GLB1L: variants seen among roughly 807,000 people sequenced by gnomAD.
GLB1L encodes the protein galactosidase beta 1 like.
In GLB1L, 58 loss-of-function variants were observed where a neutral mutation model predicts 75.7. The ratio of observed to expected loss-of-function variants is 0.77; its 90% CI spans 0.62 to 0.95. The LOEUF (loss-of-function observed/expected upper bound fraction) is 0.95, where lower values mean the gene tolerates loss of function less well. Among genes scored for constraint, GLB1L ranks in the 40% least tolerant of loss-of-function variants. GLB1L has a pLI of 0.00. For missense variants in GLB1L, 797 were observed against 805.5 expected, an observed-to-expected ratio of 0.99 and a Z score of 0.13; for synonymous variants, 296 against 303.0, an observed-to-expected ratio of 0.98 and a Z score of 0.24.
At position 219,237,173 on chromosome 2, in the gene GLB1L, G is replaced by C. The variant is rs1406460915; in HGVS notation, c.1864C>G (p.Pro622Ala). The C allele has an allele frequency of 1.9e-5, 30 of 1,613,980 alleles. No homozygotes were observed. The highest frequency in any genetic ancestry group is 2.4e-5 in the Non-Finnish European group (28 of 1,179,960). ...LQPQVQFLDK[P>A]ILNSTSTLHR... ...AAAGTACTAGTGCTATTGAGGATAG[G>C]CTTATCCAAAAATTGGACTTGGGGC... The change falls in exon 17 of 17, where the codon CCT (proline) becomes GCT (alanine). Residue 622 changes from proline (P) to alanine (A), a missense_variant. Coordinates refer to ENST00000295759, the MANE Select transcript of GLB1L (RefSeq NM_001286423.2).
At position 219,236,760 on chromosome 2, in the gene GLB1L, CTTTTTTTT is replaced by C. The variant is rs5838728; in HGVS notation, c.*304_*311del. On this transcript the variant is annotated 3_prime_UTR_variant, in exon 17 of 17. Transcript: ENST00000295759. ...CTCCATGTCCCAGGTCCAAGGGTTA[CTTTTTTTT>C]TTTTTTTTTTTTTTGAGATGGAGTG... 7 of 125,786 alleles carry C rather than the reference CTTTTTTTT, an allele frequency of 5.6e-5. No individual in the cohort carries two copies. Among genetic ancestry groups the C allele is most frequent in the South Asian group, 3.6e-4 (2 of 5,572 alleles). 7.8% of individuals were successfully genotyped at this position (125,786 alleles called of 1,614,324 possible).
At position 219,240,270 on chromosome 2, in the gene GLB1L, A is replaced by G. The variant is rs750053974; in HGVS notation, c.467T>C (p.Val156Ala). 5 of 1,614,134 alleles carry G rather than the reference A, an allele frequency of 3.1e-6. No individual in the cohort carries two copies. The highest frequency in any genetic ancestry group is 4.2e-6 in the Non-Finnish European group (5 of 1,179,956). Residue 156 changes from valine to alanine, a missense_variant, in exon 6 of 17, where the codon GTG becomes GCG. Transcript: ENST00000295759. ...RTSDPDFLAA[V>A]DSWFKVLLPK... ...CAGCAAGACCTTGAACCAGGAGTCC[A>G]CTGCGGCAAGGAAGTCTAAAGGAAG...
At chr2:219,238,438 T>C in intron 13 of GLB1L, 57 bp downstream of exon 13, 1 of 1,567,002 alleles carries the variant, frequency 6.4e-7, no homozygotes, top group Non-Finnish European at 8.8e-7. Flanking sequence ...AAGGAACTTT[T>C]GCGTATAGCT....
At position 219,242,881 on chromosome 2, in the gene GLB1L, C is replaced by A. The variant is rs750666892; in HGVS notation, c.277G>T (p.Val93Phe). The A allele has an allele frequency of 4.3e-6, 7 of 1,614,236 alleles. No individual in the cohort carries two copies. In the South Asian group the frequency reaches 6.6e-5, roughly 15 times the overall value. ...PWNYHEPQPG[V>F]YNFNGSRDLI... ...TCCCGGCTGCCATTAAAGTTATAGA[C>A]CCCAGGCTGTGGCTCGTGGTAGTTC... Residue 93 changes from valine (V) to phenylalanine (F), a missense_variant, in exon 4 of 17, where the codon GTC (valine) becomes TTC (phenylalanine). Physicochemically the swap from Val to Phe is conservative, Grantham distance 50. Transcript: ENST00000295759.
At position 219,237,209 on chromosome 2, in the gene GLB1L, C is replaced by T; in HGVS notation, c.1828G>A (p.Val610Ile). ...AATTGGACTTGGGGCTGGAGAGGTA[C>T]ATCTTCTAGTTCCAGCAATGTAATT... ...NKITLLELEDVPLQPQVQFLD... is the reference protein window; with the variant it reads ...NKITLLELEDIPLQPQVQFLD... Residue 610 changes from valine (V) to isoleucine (I), a missense_variant, in exon 17 of 17, where the codon GTA (valine) becomes ATA (isoleucine). Physicochemically the swap from Val to Ile is conservative, Grantham distance 29 (BLOSUM62 3). Transcript: ENST00000295759. 2 of 1,614,154 alleles carry T rather than the reference C, an allele frequency of 1.2e-6. No individual in the cohort carries two copies. The highest frequency in any genetic ancestry group is 1.7e-6 in the Non-Finnish European group (2 of 1,180,010).
chr2:219,237,777 A>G (rs1264761077), intron 15 of GLB1L, 49 bp downstream of exon 15: 1 of 1,613,064 alleles, frequency 6.2e-7, no homozygotes, highest in South Asian at 1.1e-5. Flanking sequence ...TTTGAAGCTA[A>G]GTTATCCTTA....
At chr2:219,241,898 C>T (rs1275982957) in intron 5 of GLB1L, among the ~76,000 whole-genome samples, 1 of 151,976 alleles carries the variant, frequency 6.6e-6, no homozygotes, top group East Asian at 1.9e-4. Context: ...TAAAATAAGC[C>T]AGCTGAGAGA....
Position 219,237,730 on chromosome 2 carries a change from A to G in GLB1L, c.1474-3T>C, listed in dbSNP as rs781645179. On this transcript the variant is annotated splice_region_variant and splice_polypyrimidine_tract_variant and intron_variant, in intron 15 of 16. Transcript: ENST00000295759. ...AGAATTGGTGGCTTCAACAGGCCCT[A>G]TAGGGAAGGAAAATGAAAAGTCATC... The G allele has an allele frequency of 1.5e-5, 25 of 1,613,532 alleles. No individual in the cohort carries two copies. The highest frequency in any genetic ancestry group is 7.7e-5 in the South Asian group (7 of 91,078).
At chr2:219,240,309 G>A (rs771015789) in intron 5 of GLB1L, 24 bp from the exon 6 acceptor site, 12 of 1,570,396 alleles carry the variant, frequency 7.6e-6, no homozygotes, top group East Asian at 4.5e-5. Flanking sequence ...CAGAGCTTCT[G>A]TGTTAGGTGC....
intron 3 of GLB1L, 52 bp downstream of exon 3, chr2:219,243,096 C>A (rs908795112): frequency 7.1e-6 from 11 of 1,558,944 alleles, no homozygotes; most frequent in African/African-American, 1.4e-5. Context: ...TATAAGGGGG[C>A]GGTAGAAAAA....
chr2:219,245,210 G>T lies in GLB1L; in HGVS notation c.-71+19C>A, dbSNP rs1951499317. 6.6e-6 allele frequency: 1 copy of T among 152,302 alleles called. No homozygotes were observed. Among genetic ancestry groups the T allele is most frequent in the Non-Finnish European group, 1.5e-5 (1 of 68,086 alleles). The allele number at this position is 152,302 out of a possible 1,614,324, so 9.4% of individuals were successfully genotyped here. On this transcript the variant is annotated intron_variant, in intron 1 of 16. Transcript: ENST00000295759. ...GGCCGCTTTCTGCCCCAGAGCGCCA[G>T]AGGTATGAAGCCTCCTACCTCCAAC... is the stretch of plus-strand genomic sequence containing the variant.
rs1951439791 is a variant in GLB1L, at chr2:219,243,241, A to C, written c.146T>G (p.Val49Gly). 5.0e-6 allele frequency: 8 copies of C among 1,613,944 alleles called. No individual in the cohort carries two copies. The highest frequency in any genetic ancestry group is 5.9e-6 in the Non-Finnish European group (7 of 1,179,946). ...CCGAAAGTAGTGCAGGCTGCCAGACACATAGCGGAACGGGGCCCCGTCTAG... is the reference window on the plus strand; with the variant it reads ...CCGAAAGTAGTGCAGGCTGCCAGACCCATAGCGGAACGGGGCCCCGTCTAG... The part of the protein sequence containing the change: ...FLLDGAPFRY[V>G]SGSLHYFRVP... Residue 49 changes from valine (V) to glycine (G), a missense_variant, in exon 3 of 17, where the codon GTG becomes GGG. Coordinates refer to ENST00000295759, the MANE Select transcript of GLB1L (RefSeq NM_001286423.2).
At position 219,242,833 on chromosome 2, in the gene GLB1L, C is replaced by T. The variant is rs1276247723; in HGVS notation, c.325G>A (p.Ala109Thr). 1 of 1,614,076 alleles carries T rather than the reference C, an allele frequency of 6.2e-7. No homozygotes were observed. The highest frequency in any genetic ancestry group is 2.2e-5 in the East Asian group (1 of 44,900). ...ATGACCAACAGGTTCGCTAGAGCTG[C>T]CTCATTCAGAAAGGCAATGAGGTCC... ...SRDLIAFLNE[A>T]ALANLLVILR... Residue 109 changes from alanine (A) to threonine (T), a missense_variant, in exon 4 of 17, where the codon GCA becomes ACA. Coordinates refer to ENST00000295759, the MANE Select transcript of GLB1L (RefSeq NM_001286423.2).
In GLB1L at chr2:219,240,097, G is replaced by T; in HGVS notation, c.547-3C>A. The stretch of plus-strand genomic sequence containing the variant: ...TAGCTACCATATTCATTCTCCACCT[G>T]CCAGAGGGGAGGGAAAGTGGAACCC... On this transcript the variant is annotated splice_region_variant and splice_polypyrimidine_tract_variant and intron_variant, in intron 6 of 16. Coordinates refer to ENST00000295759, the MANE Select transcript of GLB1L (RefSeq NM_001286423.2). The T allele has an allele frequency of 1.9e-6, 3 of 1,614,152 alleles. No homozygotes were observed. The highest frequency in any genetic ancestry group is 2.5e-6 in the Non-Finnish European group (3 of 1,180,024).
chr2:219,237,863 C>T lies in GLB1L; in HGVS notation c.1436G>A (p.Gly479Glu). The T allele has an allele frequency of 6.2e-7, 1 of 1,614,170 alleles. No individual in the cohort carries two copies. The highest frequency in any genetic ancestry group is 8.5e-7 in the Non-Finnish European group (1 of 1,180,020). Residue 479 changes from glycine (G) to glutamate (E), a missense_variant, in exon 15 of 17, where the codon GGG becomes GAG. Transcript: ENST00000295759. ...SKLDILVENM[G>E]RLSFGSNSSD... ...GCTGTTAGACCCAAAGCTGAGCCTCCCCATGTTCTCCACCAAGATATCCAG... is the reference window on the plus strand; with the variant it reads ...GCTGTTAGACCCAAAGCTGAGCCTCTCCATGTTCTCCACCAAGATATCCAG...
Position 219,237,118 on chromosome 2 carries a change from G to C in GLB1L, c.1919C>G (p.Ala640Gly). ...TGGTTCAGAGGCACTCAGTGTATCA[G>C]CTGAAAGGGAATTGATATGTGTCCT... ...LHRTHINSLS[A>G]DTLSASEPME... is the part of the protein sequence containing the mutation. Residue 640 changes from alanine to glycine, a missense_variant, in exon 17 of 17, where the codon GCT becomes GGT. Ala to Gly is a moderately conservative substitution (Grantham distance 60). Coordinates refer to ENST00000295759, the MANE Select transcript of GLB1L (RefSeq NM_001286423.2). 6.2e-7 allele frequency: 1 copy of C among 1,613,352 alleles called. No homozygotes were observed. Among genetic ancestry groups the C allele is most frequent in the Non-Finnish European group, 8.5e-7 (1 of 1,179,282 alleles).
chr2:219,240,032 C>T lies in GLB1L; in HGVS notation c.609G>A (p.Gly203=). Residue 203 remains glycine (G), a synonymous_variant, in exon 7 of 17, where the codon GGG becomes GGA. Coordinates refer to ENST00000295759, the MANE Select transcript of GLB1L (RefSeq NM_001286423.2). ...TTTCTCCTAGCAGTGCACGGAAGAG[C>T]CCAGCCAAGTGCCTCATGTAGCTGA... The part of the protein sequence containing the change: ...CDFSYMRHLA[G]LFRALLGEKI... 1.9e-6 allele frequency: 3 copies of T among 1,613,994 alleles called. No individual in the cohort carries two copies. The highest frequency in any genetic ancestry group is 1.3e-5 in the African/African-American group (1 of 75,034).
At position 219,243,196 on chromosome 2, in the gene GLB1L, G is replaced by A. The variant is rs778346420; in HGVS notation, c.191C>T (p.Ala64Val). 6.2e-7 allele frequency: 1 copy of A among 1,613,974 alleles called. No individual in the cohort carries two copies. The highest frequency in any genetic ancestry group is 2.2e-5 in the East Asian group (1 of 44,880). Residue 64 changes from alanine (A) to valine (V), a missense_variant, in exon 3 of 17, where the codon GCC (alanine) becomes GTC (valine). Transcript: ENST00000295759. ...CCATCGCATCTTCAAAAGCCGGTCGGCCCAAAGCACCCGCGGTACCCGAAA... is the reference window on the plus strand; with the variant it reads ...CCATCGCATCTTCAAAAGCCGGTCGACCCAAAGCACCCGCGGTACCCGAAA... ...HYFRVPRVLW[A>V]DRLLKMRWSG...
intron 2 of GLB1L, 88 bp from the exon 3 acceptor site, chr2:219,243,402 G>T (rs1000126926): frequency 2.2e-4 from 344 of 1,591,428 alleles, no homozygotes; most frequent in Non-Finnish European, 2.9e-4. Context: ...GATGGAACTA[G>T]CCCTGCGGGT....
Sources: gnomAD v4.1 joint callset for allele counts (sites outside exome capture counted in the v4.1 genomes callset) on GRCh38, gnomAD v4.1.1 for gene constraint, MANE v1.5 for transcripts, NCBI Gene and HGNC (gene_info 2026-07-23, HGNC 2026-07-21) for gene names.